PARD3: variants seen among roughly 807,000 people sequenced by gnomAD.
PARD3 encodes par-3 family cell polarity regulator.
In PARD3, 75 loss-of-function variants were observed where a neutral mutation model predicts 155.4. That is an observed-to-expected ratio of 0.48 (90% CI 0.40 to 0.58). The LOEUF (loss-of-function observed/expected upper bound fraction) is 0.58. Among genes scored for constraint, PARD3 ranks in the 20% least tolerant of loss-of-function variants. PARD3 has a pLI of 0.00. For missense variants in PARD3, 1,642 were observed against 1,721.7 expected (o/e 0.95, Z 0.82); for synonymous variants, 576 against 610.5 (o/e 0.94, Z 0.83).
chr10:34,256,708 A>C (rs1382132103), intron 22 of PARD3, among the ~76,000 whole-genome samples: 1 of 151,358 alleles, frequency 6.6e-6, no homozygotes, highest in Non-Finnish European at 1.5e-5. Flanking sequence ...TAGAACTAGT[A>C]ATGAAAGGCA....
rs1840630492 is a variant in PARD3, at chr10:34,784,097, G to C, written c.120+30779C>G. 2.6e-5 allele frequency among the ~76,000 whole-genome samples: 4 copies of C among 152,120 alleles called. No homozygotes were observed. The South Asian group carries it at 8.3e-4, about 32-fold the overall frequency. On this transcript the variant is annotated intron_variant, in intron 1 of 24. Coordinates refer to ENST00000374788, the MANE Select transcript of PARD3 (RefSeq NM_001184785.2). ...ATGGTGATACACGCCTGTAGTCCCGGCTACTTGGGAGGCTGAGGCAGGAGG... is the reference window on the plus strand; with the variant it reads ...ATGGTGATACACGCCTGTAGTCCCGCCTACTTGGGAGGCTGAGGCAGGAGG...
chr10:34,483,726 T>C (rs1309916561), intron 3 of PARD3, among the ~76,000 whole-genome samples: 1 of 152,168 alleles, frequency 6.6e-6, no homozygotes, highest in African/African-American at 2.4e-5. Flanking sequence ...TAAATACAGT[T>C]GATTCTAGTT....
At chr10:34,598,872 C>A (rs1373775339) in intron 2 of PARD3, among the ~76,000 whole-genome samples, 1 of 152,146 alleles carries the variant, frequency 6.6e-6, no homozygotes, top group Non-Finnish European at 1.5e-5. Flanking sequence ...AAAGCCCAAG[C>A]CCCTCAGCAC....
chr10:34,646,422 T>C (rs576387371), intron 2 of PARD3, among the ~76,000 whole-genome samples: 7 of 152,230 alleles, frequency 4.6e-5, no homozygotes, highest in Admixed American at 1.3e-4. Context: ...TTTTTCTGCA[T>C]TACAACATAT....
chr10:34,610,367 C>A (rs942307700), intron 2 of PARD3, among the ~76,000 whole-genome samples: 1 of 152,106 alleles, frequency 6.6e-6, no homozygotes. Flanking sequence ...ACTGTCACTA[C>A]ATTCTGTCAC....
intron 22 of PARD3, among the ~76,000 whole-genome samples, chr10:34,260,836 G>A (rs955221732): frequency 2.0e-5 from 3 of 152,162 alleles, no homozygotes; most frequent in Non-Finnish European, 4.4e-5. Flanking sequence ...TTCTAAAAGA[G>A]CACATGTTTA....
chr10:34,533,869 C>T (rs932072451), intron 2 of PARD3, among the ~76,000 whole-genome samples: 1 of 152,006 alleles, frequency 6.6e-6, no homozygotes, highest in African/African-American at 2.4e-5. Flanking sequence ...TGGATTAACA[C>T]CATTTGCCCT....
intron 22 of PARD3, among the ~76,000 whole-genome samples, chr10:34,164,131 C>T (rs1452038731): frequency 1.3e-5 from 2 of 152,040 alleles, no homozygotes; most frequent in Non-Finnish European, 2.9e-5. Flanking sequence ...AAATAAACAG[C>T]TACTATGGGA....
At chr10:34,474,058 A>T (rs1254309683) in intron 3 of PARD3, among the ~76,000 whole-genome samples, 2 of 152,158 alleles carry the variant, frequency 1.3e-5, no homozygotes. Flanking sequence ...CCAGCTACTC[A>T]GGAGCCTTAG....
chr10:34,477,430 C>T (rs2078790789), intron 3 of PARD3, among the ~76,000 whole-genome samples: 1 of 152,184 alleles, frequency 6.6e-6, no homozygotes, highest in African/African-American at 2.4e-5. Context: ...AGGGTGGAGA[C>T]TGTTTGATGT....
chr10:34,345,967 C>A (rs555540803), intron 15 of PARD3: 1 of 983,550 alleles, frequency 1.0e-6, no homozygotes, highest in Non-Finnish European at 1.2e-6. Context: ...CCCTAGTTTC[C>A]GTTACAAATT....
Position 34,459,333 on chromosome 10 carries a change from AT to A in PARD3, c.583-8886del, listed in dbSNP as rs545601200. 1.0e-3 allele frequency among the ~76,000 whole-genome samples: 149 copies of A among 147,568 alleles called. 1 individual carries two copies. Among genetic ancestry groups the A allele is most frequent in the South Asian group, 8.1e-3 (38 of 4,674 alleles). On this transcript the variant is annotated intron_variant, in intron 4 of 24. Coordinates refer to ENST00000374788, the MANE Select transcript of PARD3 (RefSeq NM_001184785.2). ...AGGCGCCCACCACCATGCCCAGCTAATTTTTTTTTTTGTATTTTTAGTAGAG... is the reference window on the plus strand; with the variant it reads ...AGGCGCCCACCACCATGCCCAGCTAATTTTTTTTTTGTATTTTTAGTAGAG...
At chr10:34,246,529 C>T (rs190335708) in intron 22 of PARD3, among the ~76,000 whole-genome samples, 17 of 152,240 alleles carry the variant, frequency 1.1e-4, no homozygotes, top group African/African-American at 4.1e-4. Flanking sequence ...AGGTGGTCAG[C>T]ATCTTTAGAC....
intron 2 of PARD3, among the ~76,000 whole-genome samples, chr10:34,551,714 G>A (rs925713244): frequency 6.6e-5 from 10 of 152,322 alleles, no homozygotes; most frequent in Non-Finnish European, 1.2e-4. Flanking sequence ...AGGCCAGGAC[G>A]TAAGGGCAGC....
intron 1 of PARD3, among the ~76,000 whole-genome samples, chr10:34,787,761 G>C (rs1448857820): frequency 1.3e-5 from 2 of 151,596 alleles, no homozygotes; most frequent in Non-Finnish European, 2.9e-5. Flanking sequence ...ACAGCAAATG[G>C]GCAACCAACA....
At chr10:34,452,973 T>G (rs1157300304) in intron 4 of PARD3, among the ~76,000 whole-genome samples, 2 of 152,200 alleles carry the variant, frequency 1.3e-5, no homozygotes, top group East Asian at 1.9e-4. Flanking sequence ...ACTTGTCTCT[T>G]ACCTGAAATT....
chr10:34,345,401 A>ATTAATAACTCCCT, intron 15 of PARD3: 1 of 985,356 alleles, frequency 1.0e-6, no homozygotes, highest in Non-Finnish European at 1.2e-6. Context: ...TTAACATAAA[A>ATTAATAACTCCCT]TTAATAACTC....
intron 3 of PARD3, among the ~76,000 whole-genome samples, chr10:34,478,401 A>G (rs538588919): frequency 1.3e-5 from 2 of 152,348 alleles, no homozygotes; most frequent in East Asian, 1.9e-4. Context: ...CAAAAGTACA[A>G]GATGCCTATA....
intron 5 of PARD3, among the ~76,000 whole-genome samples, chr10:34,437,779 A>C (rs1205256620): frequency 6.6e-6 from 1 of 152,216 alleles, no homozygotes; most frequent in Admixed American, 6.6e-5. Flanking sequence ...TAAATTATTC[A>C]ATATAATCAA....
Sources: allele counts gnomAD v4.1 joint callset (sites outside exome capture counted in the v4.1 genomes callset), GRCh38; gene constraint gnomAD v4.1.1; transcripts MANE v1.5; gene names NCBI Gene and HGNC (gene_info 2026-07-23, HGNC 2026-07-21).